The following USP47 variants were observed in gnomAD, a reference collection of about 807,000 sequenced individuals.
The protein encoded by USP47 is ubiquitin carboxyl-terminal hydrolase 47.
A neutral mutation model predicts 165.1 loss-of-function variants in USP47; 35 were observed. The observed-to-expected ratio is 0.21, with a 90% CI of 0.16 to 0.28. The LOEUF (loss-of-function observed/expected upper bound fraction) is 0.28, where lower values mean the gene tolerates loss of function less well. Ranked by LOEUF, USP47 falls within the 10% of genes least tolerant of loss-of-function variation. USP47 has a pLI of 1.00. For missense variants in USP47, 1,277 were observed against 1,607.4 expected (o/e 0.79, Z 3.52); for synonymous variants, 531 against 544.5 (o/e 0.98, Z 0.35).
chr11:11,878,835 A>G (rs567238978), intron 1 of USP47, among the ~76,000 whole-genome samples: 94 of 152,308 alleles, frequency 6.2e-4, no homozygotes, highest in Admixed American at 1.4e-3. Flanking sequence ...GTATTACTTC[A>G]ACAAACAAAA....
At chr11:11,946,168 C>A (rs1309407178) in intron 20 of USP47, among the ~76,000 whole-genome samples, 1 of 152,108 alleles carries the variant, frequency 6.6e-6, no homozygotes, top group Non-Finnish European at 1.5e-5. Flanking sequence ...AAACATTTTA[C>A]ATGTATTGAC....
chr11:11,949,260 C>T (rs1856060228), intron 22 of USP47, among the ~76,000 whole-genome samples: 1 of 151,772 alleles, frequency 6.6e-6, no homozygotes, highest in Non-Finnish European at 1.5e-5. Context: ...CACAAATACC[C>T]AAAAGAATAA....
chr11:11,850,720 T>G (rs1848678443), intron 1 of USP47, among the ~76,000 whole-genome samples: 5 of 152,212 alleles, frequency 3.3e-5, no homozygotes, highest in Admixed American at 3.3e-4. Context: ...TTAGTCCATT[T>G]GGGCTGCAAA....
intron 1 of USP47, among the ~76,000 whole-genome samples, chr11:11,852,254 ATTAAT>A (rs1848769278): frequency 6.6e-6 from 1 of 152,054 alleles, no homozygotes; most frequent in African/African-American, 2.4e-5. Flanking sequence ...TTCTACATTT[ATTAAT>A]TTAAATTCTT....
chr11:11,942,983 A>G lies in USP47; in HGVS notation c.2962A>G (p.Thr988Ala), dbSNP rs769161878. ...ANEGKKETWD[T>A]AEEDSGTDSE... ...TGAAGGGAAAAAAGAAACATGGGAT[A>G]CAGCAGAAGAAGACTCTGGAACTGA... is the stretch of plus-strand genomic sequence containing the variant. Residue 988 changes from threonine to alanine, a missense_variant, in exon 20 of 28, where the codon ACA becomes GCA. Thr to Ala is a moderately conservative substitution (Grantham distance 58, BLOSUM62 0). Coordinates refer to ENST00000527733, the MANE Select transcript of USP47 (RefSeq NM_001282659.2). The G allele has an allele frequency of 1.4e-5, 23 of 1,613,506 alleles. No individual in the cohort carries two copies. The highest frequency in any genetic ancestry group is 5.0e-5 in the Admixed American group (3 of 59,918).
At chr11:11,948,285 TCTAA>T (rs1311854232) in intron 21 of USP47, 165 bp downstream of exon 21, 2 of 899,268 alleles carry the variant, frequency 2.2e-6, no homozygotes, top group Non-Finnish European at 3.3e-6. Context: ...TCTTCACTCA[TCTAA>T]CAAACATTTG....
intron 3 of USP47, among the ~76,000 whole-genome samples, chr11:11,886,190 TC>T (rs1198096066): frequency 1.3e-5 from 2 of 152,046 alleles, no homozygotes; most frequent in Non-Finnish European, 2.9e-5. Context: ...GAATGCCTCT[TC>T]TCCAGATGAC....
Position 11,922,896 on chromosome 11 carries a change from CT to C in USP47, c.1386+9del, listed in dbSNP as rs774278298. ...TCAAAATCTGGACTTGAAAAGGTAC[CT>C]TTTATAGTTTGCATTTTTTAGTTGA... On this transcript the variant is annotated splice_donor_region_variant and intron_variant, in intron 11 of 27. Transcript: ENST00000527733. 1 of 1,605,716 alleles carries C rather than the reference CT, an allele frequency of 6.2e-7. No homozygotes were observed. Among genetic ancestry groups the C allele is most frequent in the South Asian group, 1.1e-5 (1 of 89,740 alleles).
intron 5 of USP47, among the ~76,000 whole-genome samples, chr11:11,902,331 C>T (rs1852282666): frequency 6.6e-6 from 1 of 152,138 alleles, no homozygotes; most frequent in Non-Finnish European, 1.5e-5. Context: ...TAGTTTTCCA[C>T]AGTTTGGGTT....
Position 11,956,287 on chromosome 11 carries a change from A to G in USP47, c.*112A>G. 2 of 1,170,898 alleles carry G rather than the reference A, an allele frequency of 1.7e-6. No individual in the cohort carries two copies. Among genetic ancestry groups the G allele is most frequent in the Admixed American group, 2.2e-5 (1 of 46,488 alleles). The allele number at this position is 1,170,898 out of a possible 1,614,324, so 72.5% of individuals were successfully genotyped here. A position where few individuals can be genotyped will look rare whatever the true frequency, so the allele number is the denominator to read the frequency against. ...ATGGTTGGGGTAACCCAGTGACACCAGCACTGATTGGACTGCCCTACACCA... is the reference window on the plus strand; with the variant it reads ...ATGGTTGGGGTAACCCAGTGACACCGGCACTGATTGGACTGCCCTACACCA... On this transcript the variant is annotated 3_prime_UTR_variant, in exon 28 of 28. Coordinates refer to ENST00000527733, the MANE Select transcript of USP47 (RefSeq NM_001282659.2).
chr11:11,941,623 C>T (rs779753890), intron 19 of USP47, among the ~76,000 whole-genome samples: 1 of 152,046 alleles, frequency 6.6e-6, no homozygotes, highest in Non-Finnish European at 1.5e-5. Context: ...TAACCACCTA[C>T]TTCGCCCAGA....
intron 12 of USP47, 79 bp downstream of exon 12, chr11:11,929,644 G>T: frequency 6.5e-7 from 1 of 1,543,610 alleles, no homozygotes; most frequent in South Asian, 1.3e-5. Flanking sequence ...AGTTTATTAA[G>T]AATGAGTGAA....
intron 3 of USP47, among the ~76,000 whole-genome samples, chr11:11,890,938 C>G (rs999898968): frequency 6.6e-6 from 1 of 152,126 alleles, no homozygotes; most frequent in South Asian, 2.1e-4. Context: ...CATGTTCTCA[C>G]TTATAAGTGG....
chr11:11,925,117 T>C (rs1391473028), intron 11 of USP47, among the ~76,000 whole-genome samples: 1 of 151,746 alleles, frequency 6.6e-6, no homozygotes, highest in Non-Finnish European at 1.5e-5. Context: ...TTTTGGTTTT[T>C]TTTTTTTTGA....
chr11:11,891,268 G>T (rs1474835996), intron 3 of USP47, among the ~76,000 whole-genome samples: 1 of 152,114 alleles, frequency 6.6e-6, no homozygotes, highest in Non-Finnish European at 1.5e-5. Flanking sequence ...GTTTAATGAC[G>T]CTTTGCTCAG....
At chr11:11,924,677 C>T (rs951232096) in intron 11 of USP47, among the ~76,000 whole-genome samples, 3 of 152,010 alleles carry the variant, frequency 2.0e-5, no homozygotes, top group African/African-American at 7.2e-5. Flanking sequence ...TTTGTGAGTT[C>T]TGGTGGTTTG....
chr11:11,948,649 T>C (rs1856011922), intron 22 of USP47, 91 bp downstream of exon 22: 1 of 1,325,758 alleles, frequency 7.5e-7, no homozygotes, highest in South Asian at 1.4e-5. Context: ...TTTATTTCTC[T>C]GAAGCAAAGG....
At chr11:11,947,004 T>C (rs1339117694) in intron 20 of USP47, among the ~76,000 whole-genome samples, 2 of 152,192 alleles carry the variant, frequency 1.3e-5, no homozygotes, top group Non-Finnish European at 2.9e-5. Context: ...TTACCTTCCA[T>C]GTAGCTTTAG....
chr11:11,946,068 A>G (rs1052051029), intron 20 of USP47, among the ~76,000 whole-genome samples: 1 of 152,206 alleles, frequency 6.6e-6, no homozygotes, highest in Non-Finnish European at 1.5e-5. Flanking sequence ...CAGTCTGAAG[A>G]GGTAGATAGG....
Sources: gnomAD v4.1 joint callset for allele counts (sites outside exome capture counted in the v4.1 genomes callset) on GRCh38, gnomAD v4.1.1 for gene constraint, MANE v1.5 for transcripts, NCBI Gene and HGNC (gene_info 2026-07-23, HGNC 2026-07-21) for gene names.